Variants in UGGT1 observed in about 807,000 individuals in gnomAD.
The protein encoded by UGGT1 is UDP-glucose glycoprotein glucosyltransferase 1.
UGGT1 carries 107 observed loss-of-function variants against 203.9 expected under a neutral mutation model. The ratio of observed to expected loss-of-function variants is 0.52; its 90% confidence interval spans 0.45 to 0.62. The LOEUF is 0.62. Among genes scored for constraint, UGGT1 ranks in the 20% least tolerant of loss-of-function variants. The pLI is 0.00. For missense variants in UGGT1, 1,673 were observed against 1,867.2 expected (o/e 0.90, Z 1.92); for synonymous variants, 628 against 653.5 (o/e 0.96, Z 0.59).
chr2:128,121,405 CTTT>C (rs10636999), intron 10 of UGGT1, 107 bp downstream of exon 10: 900 of 450,774 alleles, frequency 2.0e-3, no homozygotes, highest in South Asian at 2.7e-3. Context: ...AATTAAGATT[CTTT>C]TTTTTTTTTT....
intron 2 of UGGT1, among the ~76,000 whole-genome samples, chr2:128,100,476 G>C (rs367604304): frequency 6.6e-6 from 1 of 151,814 alleles, no homozygotes; most frequent in Non-Finnish European, 1.5e-5. Context: ...GCGTGATCTC[G>C]GCTCACCGCA....
At position 128,160,464 on chromosome 2, in the gene UGGT1, T is replaced by C. The variant is rs200448927; in HGVS notation, c.2567T>C (p.Met856Thr). 9.6e-5 allele frequency: 153 copies of C among 1,598,570 alleles called. No homozygotes were observed. Among genetic ancestry groups the C allele is most frequent in the Admixed American group, 3.4e-4 (19 of 55,104 alleles). Residue 856 changes from methionine to threonine, a missense_variant, in exon 24 of 41, where the codon ATG becomes ACG. Physicochemically the swap from Met to Thr is moderately conservative, Grantham distance 81 (BLOSUM62 -1). Transcript: ENST00000259253. ...TAATAATGATTACTTTCCTAGGGAA[T>C]GGATTTCAGTCTTTTTAAAGAGGTC... ...ADIAEFSVGG[M>T]DFSLFKEVFE... is the part of the protein sequence containing the mutation.
rs1485666047 is a variant in UGGT1 at position 128,186,762 on chromosome 2, A to G, written c.4439A>G (p.Asp1480Gly). The G allele has an allele frequency of 1.2e-6, 2 of 1,613,478 alleles. No individual in the cohort carries two copies. The highest frequency in any genetic ancestry group is 1.1e-5 in the South Asian group (1 of 90,994). Reference protein sequence around the residue: ...QEWLWCETWCDDASKKRAKTI... With the variant: ...QEWLWCETWCGDASKKRAKTI... ...TGGCTTTGGTGTGAAACGTGGTGTG[A>G]TGACGCCTCTAAGAAAAGGGCAAAA... The change falls in exon 39 of 41, where the codon GAT (aspartate) becomes GGT (glycine). Residue 1480 changes from aspartate to glycine, a missense_variant. By Grantham distance (94) the Asp-to-Gly change is moderately conservative (BLOSUM62 -1). Coordinates refer to ENST00000259253, the MANE Select transcript of UGGT1 (RefSeq NM_020120.4).
chr2:128,125,549 T>C (rs185996614), intron 11 of UGGT1, among the ~76,000 whole-genome samples: 1 of 152,252 alleles, frequency 6.6e-6, no homozygotes, highest in Non-Finnish European at 1.5e-5. Context: ...CTTCCAAAAT[T>C]TGGTGGCCTT....
In UGGT1 at chr2:128,134,973, A is replaced by G. The variant is rs755723034; in HGVS notation, c.1583+12A>G. 8.7e-6 allele frequency: 14 copies of G among 1,601,118 alleles called. No individual in the cohort carries two copies. The highest frequency in any genetic ancestry group is 1.0e-5 in the Non-Finnish European group (12 of 1,168,842). ...CATATACCACTAAGGTAACACTGGT[A>G]TTGATTTGATGATGTATCTAATTTA... is the stretch of plus-strand genomic sequence containing the variant. On this transcript the variant is annotated intron_variant, in intron 15 of 40. Coordinates refer to ENST00000259253, the MANE Select transcript of UGGT1 (RefSeq NM_020120.4).
chr2:128,171,231 T>C lies in UGGT1; in HGVS notation c.3051T>C (p.Asn1017=), dbSNP rs1691083949. ...LLVLAQLINM[N]LRVFMNCQSK... ...TTTTGGCTCAGCTGATAAACATGAATCTGAGAGTATTTATGAACTGCCAAT... is the reference window on the plus strand; with the variant it reads ...TTTTGGCTCAGCTGATAAACATGAACCTGAGAGTATTTATGAACTGCCAAT... Residue 1017 remains asparagine, a synonymous_variant, in exon 28 of 41, where the codon AAT becomes AAC. Coordinates refer to ENST00000259253, the MANE Select transcript of UGGT1 (RefSeq NM_020120.4). 2 of 1,613,466 alleles carry C rather than the reference T, an allele frequency of 1.2e-6. No individual in the cohort carries two copies. Among genetic ancestry groups the C allele is most frequent in the Middle Eastern group, 1.7e-4 (1 of 6,054 alleles).
At chr2:128,138,908 A>G (rs920350873) in intron 16 of UGGT1, 56 bp downstream of exon 16, 42 of 1,604,658 alleles carry the variant, frequency 2.6e-5, no homozygotes, top group Middle Eastern at 1.7e-4. Context: ...TACTCTTAAT[A>G]ACAATGTGTG....
At chr2:128,166,618 C>T (rs1690802384) in intron 26 of UGGT1, among the ~76,000 whole-genome samples, 1 of 151,570 alleles carries the variant, frequency 6.6e-6, no homozygotes. Context: ...ATTTTTTTTC[C>T]TAGTCTTTTG....
intron 25 of UGGT1, among the ~76,000 whole-genome samples, chr2:128,161,832 G>A (rs1405064360): frequency 6.6e-6 from 1 of 152,128 alleles, no homozygotes; most frequent in Non-Finnish European, 1.5e-5. Context: ...GATGGACCCT[G>A]GAGTCCATTG....
chr2:128,120,923 T>C (rs553425021), intron 9 of UGGT1, among the ~76,000 whole-genome samples: 3 of 152,266 alleles, frequency 2.0e-5, no homozygotes, highest in South Asian at 4.1e-4. Flanking sequence ...GGAAAAGGAC[T>C]TGGGCCTGAT....
At chr2:128,122,221 G>A (rs1183159098) in intron 10 of UGGT1, among the ~76,000 whole-genome samples, 10 of 147,432 alleles carry the variant, frequency 6.8e-5, no homozygotes, top group African/African-American at 1.7e-4. Flanking sequence ...TGATCCACCC[G>A]CCTTGTCTGG....
At chr2:128,188,111 C>T (rs530026089) in intron 40 of UGGT1, among the ~76,000 whole-genome samples, 22 of 151,730 alleles carry the variant, frequency 1.4e-4, no homozygotes, top group Non-Finnish European at 2.9e-4. Flanking sequence ...GCCTCCACCT[C>T]CCAGGTTCAT....
At chr2:128,143,667 A>T (rs1185876834) in intron 17 of UGGT1, among the ~76,000 whole-genome samples, 1 of 152,194 alleles carries the variant, frequency 6.6e-6, no homozygotes. Context: ...AGTTTCCTAG[A>T]CTTGGCCATC....
At chr2:128,177,968 T>C (rs1310371641) in intron 33 of UGGT1, 48 bp downstream of exon 33, 8 of 1,491,266 alleles carry the variant, frequency 5.4e-6, no homozygotes, top group East Asian at 2.4e-5. Context: ...AACTGAGATA[T>C]AAGCACCATC....
intron 5 of UGGT1, among the ~76,000 whole-genome samples, chr2:128,111,596 C>T (rs1434090962): frequency 6.6e-6 from 1 of 151,996 alleles, no homozygotes; most frequent in African/African-American, 2.4e-5. Context: ...AGCTCCGCCT[C>T]CCAGGTTCAT....
chr2:128,183,074 A>G (rs748001233), intron 37 of UGGT1, among the ~76,000 whole-genome samples: 1 of 152,166 alleles, frequency 6.6e-6, no homozygotes, highest in Non-Finnish European at 1.5e-5. Flanking sequence ...ATAATTTTTC[A>G]TATCTCATAT....
At chr2:128,173,471 C>G (rs1469047473) in intron 29 of UGGT1, among the ~76,000 whole-genome samples, 1 of 151,850 alleles carries the variant, frequency 6.6e-6, no homozygotes, top group African/African-American at 2.4e-5. Flanking sequence ...TTTCTCCTTT[C>G]TCTTTCCAAC....
chr2:128,095,248 G>A (rs1687056842), intron 1 of UGGT1, among the ~76,000 whole-genome samples: 1 of 152,070 alleles, frequency 6.6e-6, no homozygotes, highest in Non-Finnish European at 1.5e-5. Context: ...ATTTTTGTGT[G>A]TGTATTCTTT....
intron 38 of UGGT1, among the ~76,000 whole-genome samples, chr2:128,185,943 T>C (rs1691956179): frequency 6.6e-6 from 1 of 152,058 alleles, no homozygotes; most frequent in South Asian, 2.1e-4. Context: ...TAGGGTAGCA[T>C]TGGCTAGAAA....
Sources: gnomAD v4.1 joint callset for allele counts (sites outside exome capture counted in the v4.1 genomes callset) on GRCh38, gnomAD v4.1.1 for gene constraint, MANE v1.5 for transcripts, NCBI Gene and HGNC (gene_info 2026-07-23, HGNC 2026-07-21) for gene names.